Variants in HOOK3 observed in about 807,000 individuals in gnomAD.
The protein encoded by HOOK3 is protein Hook homolog 3.
HOOK3 carries 24 observed loss-of-function variants against 116.3 expected under a neutral mutation model. That is an observed-to-expected ratio of 0.21 (90% CI 0.15 to 0.29). The LOEUF is 0.29. HOOK3 is among the 10% of genes least tolerant of loss of function. The pLI is 1.00. For synonymous variants in HOOK3, 275 were observed against 283.0 expected (o/e 0.97, Z 0.28); for missense variants, 632 against 830.2 (o/e 0.76, Z 2.93).
At chr8:43,017,087 C>T (rs1809732377) in intron 21 of HOOK3, among the ~76,000 whole-genome samples, 1 of 152,188 alleles carries the variant, frequency 6.6e-6, no homozygotes, top group Non-Finnish European at 1.5e-5. Flanking sequence ...TATCTTCCAG[C>T]CTTCTGTCTT....
At chr8:42,936,482 A>G (rs1427333166) in intron 4 of HOOK3, among the ~76,000 whole-genome samples, 3 of 152,180 alleles carry the variant, frequency 2.0e-5, no homozygotes, top group African/African-American at 7.2e-5. Context: ...TTCAAAGGGA[A>G]TGCTTCCAGC....
At chr8:42,997,197 C>G (rs1321669114) in intron 15 of HOOK3, among the ~76,000 whole-genome samples, 3 of 152,224 alleles carry the variant, frequency 2.0e-5, no homozygotes, top group African/African-American at 7.2e-5. Flanking sequence ...CCACCCACTT[C>G]CTGAGTGCAG....
At chr8:42,917,717 G>A (rs1218886195) in intron 2 of HOOK3, among the ~76,000 whole-genome samples, 1 of 152,144 alleles carries the variant, frequency 6.6e-6, no homozygotes, top group Non-Finnish European at 1.5e-5. Flanking sequence ...AGTTCGAGAA[G>A]GGGAAAAAGA....
At chr8:42,928,250 G>C (rs188373411) in intron 3 of HOOK3, among the ~76,000 whole-genome samples, 1 of 151,884 alleles carries the variant, frequency 6.6e-6, no homozygotes, top group African/African-American at 2.4e-5. Context: ...CTGCACTCCA[G>C]CCTGGCGACA....
At chr8:42,927,879 G>A (rs1184333646) in intron 3 of HOOK3, among the ~76,000 whole-genome samples, 3 of 152,220 alleles carry the variant, frequency 2.0e-5, no homozygotes, top group Non-Finnish European at 4.4e-5. Flanking sequence ...AGGCGTGGTG[G>A]CTTACGCCTG....
At position 43,025,844 on chromosome 8, in the gene HOOK3, G is replaced by A. The variant is rs1809922717; in HGVS notation, c.*7346G>A. On this transcript the variant is annotated 3_prime_UTR_variant, in exon 22 of 22. Transcript: ENST00000307602. ...ACACACAGTAGCCCCACACAGTTTT[G>A]TTTTAAATGAAGGCAAAAGTAGACA... 1 of 209,772 alleles carries A rather than the reference G, an allele frequency of 4.8e-6. No individual in the cohort carries two copies. Among genetic ancestry groups the A allele is most frequent in the African/African-American group, 2.3e-5 (1 of 43,962 alleles). 13.0% of individuals were successfully genotyped at this position (209,772 alleles called of 1,614,324 possible). A position where few individuals can be genotyped will look rare whatever the true frequency, so the allele number is the denominator to read the frequency against.
intron 13 of HOOK3, among the ~76,000 whole-genome samples, chr8:42,980,499 G>A (rs1808918285): frequency 6.6e-6 from 1 of 152,110 alleles, no homozygotes. Context: ...GGTGATTAAA[G>A]CATGAGGACT....
chr8:42,909,156 C>T (rs1017858986), intron 2 of HOOK3, among the ~76,000 whole-genome samples: 10 of 152,060 alleles, frequency 6.6e-5, no homozygotes, highest in Admixed American at 6.6e-5. Context: ...ATGAAAGATA[C>T]GTGTTGGTGA....
intron 21 of HOOK3, among the ~76,000 whole-genome samples, chr8:43,014,102 G>A (rs1262935820): frequency 4.6e-5 from 7 of 151,796 alleles, no homozygotes; most frequent in African/African-American, 1.5e-4. Flanking sequence ...CCTGGACAAC[G>A]TGGTGAAACC....
intron 4 of HOOK3, among the ~76,000 whole-genome samples, chr8:42,933,288 G>A (rs1380574885): frequency 6.6e-6 from 1 of 152,172 alleles, no homozygotes; most frequent in Non-Finnish European, 1.5e-5. Context: ...ATACATAAAT[G>A]TGTTTATAAA....
chr8:42,930,110 C>G lies in HOOK3; in HGVS notation c.217-12C>G. 6.4e-7 allele frequency: 1 copy of G among 1,550,694 alleles called. No individual in the cohort carries two copies. Among genetic ancestry groups the G allele is most frequent in the Non-Finnish European group, 8.7e-7 (1 of 1,150,048 alleles). Reference sequence around the variant, plus strand: ...TGCCTTTTACCCAGTTGTTTTCTCTCTCTTTAAACAGATAAGCAATTTAAA... The same window carrying G: ...TGCCTTTTACCCAGTTGTTTTCTCTGTCTTTAAACAGATAAGCAATTTAAA... On this transcript the variant is annotated splice_polypyrimidine_tract_variant and intron_variant, in intron 3 of 21. Transcript: ENST00000307602.
intron 2 of HOOK3, among the ~76,000 whole-genome samples, chr8:42,918,700 C>G (rs897161656): frequency 6.6e-6 from 1 of 152,108 alleles, no homozygotes; most frequent in Non-Finnish European, 1.5e-5. Context: ...TCCATTTAAC[C>G]CTTAGTGAAC....
chr8:42,930,821 A>G (rs986890386), intron 4 of HOOK3, among the ~76,000 whole-genome samples: 1 of 152,160 alleles, frequency 6.6e-6, no homozygotes, highest in East Asian at 1.9e-4. Flanking sequence ...TCTTTCTTCT[A>G]ATATCATCTG....
At chr8:42,941,864 T>C (rs1197193262) in intron 4 of HOOK3, among the ~76,000 whole-genome samples, 2 of 152,130 alleles carry the variant, frequency 1.3e-5, no homozygotes, top group Admixed American at 1.3e-4. Context: ...GTAACCTCTG[T>C]GTCGTATCCC....
intron 4 of HOOK3, among the ~76,000 whole-genome samples, chr8:42,937,555 C>T (rs1807996893): frequency 6.6e-6 from 1 of 152,102 alleles, no homozygotes; most frequent in East Asian, 1.9e-4. Flanking sequence ...CTAAACACTG[C>T]TTTAGCTGTG....
chr8:42,966,734 C>G, intron 10 of HOOK3, 121 bp downstream of exon 10: 1 of 936,362 alleles, frequency 1.1e-6, no homozygotes, highest in South Asian at 1.7e-5. Context: ...GGGTCTACTG[C>G]TTATGCAACC....
At chr8:42,958,408 T>C (rs1457364994) in intron 7 of HOOK3, among the ~76,000 whole-genome samples, 1 of 152,088 alleles carries the variant, frequency 6.6e-6, no homozygotes, top group African/African-American at 2.4e-5. Flanking sequence ...TTTGCTAATT[T>C]AGAGTTTATA....
intron 5 of HOOK3, among the ~76,000 whole-genome samples, chr8:42,944,820 G>GA (rs1003713206): frequency 7.4e-5 from 11 of 148,624 alleles, no homozygotes; most frequent in East Asian, 3.9e-4. Flanking sequence ...CTTTTTCTCA[G>GA]AAAAAAAAAA....
rs989763804 is a variant in HOOK3, at chr8:43,021,504, T to C, written c.*3006T>C. 1.2e-5 allele frequency: 2 copies of C among 171,206 alleles called. No individual in the cohort carries two copies. The highest frequency in any genetic ancestry group is 2.4e-5 in the African/African-American group (1 of 41,928). 10.6% of individuals were successfully genotyped at this position (171,206 alleles called of 1,614,324 possible). On this transcript the variant is annotated 3_prime_UTR_variant, in exon 22 of 22. Transcript: ENST00000307602. ...ATTTAGTAGAGATGGTGTTTCACCA[T>C]GTTGGCCAGGCTGGTCTCAAACTCC...
Sources: allele counts gnomAD v4.1 joint callset (sites outside exome capture counted in the v4.1 genomes callset), GRCh38; gene constraint gnomAD v4.1.1; transcripts MANE v1.5; gene names NCBI Gene and HGNC (gene_info 2026-07-23, HGNC 2026-07-21).